Variants in PEX5L observed in about 807,000 individuals in gnomAD.
PEX5L encodes the protein PEX5-related protein.
PEX5L carries 30 observed loss-of-function variants against 84.0 expected under a neutral mutation model. The ratio of observed to expected loss-of-function variants is 0.36; its 90% CI spans 0.27 to 0.48. The LOEUF (loss-of-function observed/expected upper bound fraction) is 0.48, where lower values mean the gene tolerates loss of function less well. Ranked by LOEUF, PEX5L falls within the 20% of genes least tolerant of loss-of-function variation. The pLI is 0.99. For synonymous variants in PEX5L, 270 were observed against 283.1 expected, an observed-to-expected ratio of 0.95 and a Z score of 0.46; for missense variants, 533 against 754.6, an observed-to-expected ratio of 0.71 and a Z score of 3.44.
chr3:179,957,749 G>A (rs1780946137), intron 2 of PEX5L, among the ~76,000 whole-genome samples: 1 of 152,146 alleles, frequency 6.6e-6, no homozygotes, highest in African/African-American at 2.4e-5. Context: ...TGCAAAGTAA[G>A]GATTTAATTT....
In PEX5L at chr3:179,797,196, T is replaced by G. The variant is rs1717300307; in HGVS notation, c.*4632A>C. On this transcript the variant is annotated 3_prime_UTR_variant, in exon 15 of 15. Coordinates refer to ENST00000467460, the MANE Select transcript of PEX5L (RefSeq NM_016559.3). Reference sequence around the variant, plus strand: ...GTGCCTCAACTGGTTTTTGAAAAAGTGTTTAGATGTCCCAGATTCTTCAGA... The same window carrying G: ...GTGCCTCAACTGGTTTTTGAAAAAGGGTTTAGATGTCCCAGATTCTTCAGA... 6.6e-6 allele frequency: 1 copy of G among 152,168 alleles called. No homozygotes were observed. Among genetic ancestry groups the G allele is most frequent in the Non-Finnish European group, 1.5e-5 (1 of 68,026 alleles). 9.4% of individuals were successfully genotyped at this position (152,168 alleles called of 1,614,324 possible). A position where few individuals can be genotyped will look rare whatever the true frequency, so the allele number is the denominator to read the frequency against.
intron 8 of PEX5L, among the ~76,000 whole-genome samples, chr3:179,841,336 C>T (rs900934427): frequency 6.6e-6 from 1 of 152,146 alleles, no homozygotes; most frequent in Non-Finnish European, 1.5e-5. Flanking sequence ...TCCACTTCCA[C>T]TCCCTGTTCC....
chr3:179,895,252 A>G (rs188415197), intron 3 of PEX5L, among the ~76,000 whole-genome samples: 1 of 151,990 alleles, frequency 6.6e-6, no homozygotes, highest in South Asian at 2.1e-4. Flanking sequence ...ACTTTTTTTG[A>G]TTACTCTCTG....
intron 8 of PEX5L, among the ~76,000 whole-genome samples, chr3:179,836,053 TACTGTCTAGATGTAA>T (rs1383850641): frequency 1.3e-5 from 2 of 152,210 alleles, no homozygotes; most frequent in African/African-American, 4.8e-5. Flanking sequence ...TTCCTAATTT[TACTGTCTAGATGTAA>T]TCACTGAGAG....
At chr3:180,020,489 G>A (rs1315289176) in intron 1 of PEX5L, among the ~76,000 whole-genome samples, 1 of 151,830 alleles carries the variant, frequency 6.6e-6, no homozygotes, top group East Asian at 1.9e-4. Context: ...ATTTATTAAA[G>A]TTTAGTTTAG....
At chr3:180,036,508 A>C (rs1791919907) in intron 1 of PEX5L, 71 bp downstream of exon 1, 6 of 1,441,036 alleles carry the variant, frequency 4.2e-6, no homozygotes, top group Non-Finnish European at 5.9e-6. Flanking sequence ...TTGACCACAG[A>C]AACTTGGTGA....
At chr3:179,968,874 A>G (rs1442792264) in intron 2 of PEX5L, among the ~76,000 whole-genome samples, 1 of 152,154 alleles carries the variant, frequency 6.6e-6, no homozygotes, top group East Asian at 1.9e-4. Flanking sequence ...CATTGTCTTT[A>G]AAGAATAGAA....
intron 2 of PEX5L, among the ~76,000 whole-genome samples, chr3:179,916,674 C>A (rs1289063675): frequency 2.0e-5 from 3 of 151,862 alleles, no homozygotes; most frequent in Non-Finnish European, 2.9e-5. Context: ...ATTAACCACC[C>A]CCCCTTTGTT....
At chr3:179,829,690 A>G (rs947512150) in intron 8 of PEX5L, among the ~76,000 whole-genome samples, 8 of 152,086 alleles carry the variant, frequency 5.3e-5, no homozygotes, top group African/African-American at 1.9e-4. Flanking sequence ...TGATGCAGGC[A>G]AACGTCAACA....
rs1721997328 is a variant in PEX5L at position 179,807,836 on chromosome 3, T to A, written c.1519-5A>T. 6.2e-7 allele frequency: 1 copy of A among 1,611,778 alleles called. No individual in the cohort carries two copies. On this transcript the variant is annotated splice_polypyrimidine_tract_variant and splice_region_variant and intron_variant, in intron 13 of 14. Transcript: ENST00000467460. ...GCGGTTCCATAGTGAATAGTCCTGA[T>A]GACAAAATCAGAACTTTCTAACAAC...
intron 8 of PEX5L, among the ~76,000 whole-genome samples, chr3:179,847,662 A>G (rs1230680713): frequency 1.3e-5 from 2 of 152,212 alleles, no homozygotes; most frequent in African/African-American, 2.4e-5. Flanking sequence ...AGAAAAGAAT[A>G]TTTAGTCATT....
chr3:179,948,660 G>T (rs1039066315), intron 2 of PEX5L, among the ~76,000 whole-genome samples: 21 of 152,068 alleles, frequency 1.4e-4, no homozygotes, highest in Non-Finnish European at 2.2e-4. Context: ...TCAAAACTGG[G>T]TAGGTGCATA....
chr3:179,958,779 A>T (rs1041549811), intron 2 of PEX5L, among the ~76,000 whole-genome samples: 1 of 152,202 alleles, frequency 6.6e-6, no homozygotes, highest in Non-Finnish European at 1.5e-5. Flanking sequence ...AGGCCTAGAA[A>T]ATCAAAATAA....
At chr3:179,824,916 T>C (rs1461284637) in intron 8 of PEX5L, among the ~76,000 whole-genome samples, 1 of 152,204 alleles carries the variant, frequency 6.6e-6, no homozygotes, top group Non-Finnish European at 1.5e-5. Context: ...ATATTTCCTG[T>C]TGAGTAAGAG....
chr3:179,882,996 G>T lies in PEX5L; in HGVS notation c.311-2873C>A, dbSNP rs1316749554. 3.9e-5 allele frequency among the ~76,000 whole-genome samples: 6 copies of T among 152,176 alleles called. No homozygotes were observed. In the East Asian group the frequency reaches 1.2e-3, roughly 29 times the overall value. ...CACCTGTAGTCTCAGCTACTCGGGAGACTAGGTGGGAGGACTGCTTTAGCC... is the reference window on the plus strand; with the variant it reads ...CACCTGTAGTCTCAGCTACTCGGGATACTAGGTGGGAGGACTGCTTTAGCC... On this transcript the variant is annotated intron_variant, in intron 4 of 14. Coordinates refer to ENST00000467460, the MANE Select transcript of PEX5L (RefSeq NM_016559.3).
intron 7 of PEX5L, among the ~76,000 whole-genome samples, chr3:179,872,482 G>T (rs1019014066): frequency 6.6e-6 from 1 of 152,174 alleles, no homozygotes; most frequent in African/African-American, 2.4e-5. Flanking sequence ...AAACTCTCAG[G>T]TGCATTTTAA....
chr3:180,031,368 G>C (rs1029402397), intron 1 of PEX5L, among the ~76,000 whole-genome samples: 1 of 152,094 alleles, frequency 6.6e-6, no homozygotes, highest in African/African-American at 2.4e-5. Context: ...GGATGAGGTG[G>C]GGGGTAAGGA....
At chr3:179,933,171 C>T (rs561819721) in intron 2 of PEX5L, among the ~76,000 whole-genome samples, 1 of 152,304 alleles carries the variant, frequency 6.6e-6, no homozygotes, top group East Asian at 1.9e-4. Context: ...GACTTTGATC[C>T]ACATATATCT....
At chr3:179,953,516 C>T (rs1779675811) in intron 2 of PEX5L, among the ~76,000 whole-genome samples, 1 of 152,116 alleles carries the variant, frequency 6.6e-6, no homozygotes, top group Admixed American at 6.6e-5. Flanking sequence ...CTATTGCATG[C>T]AGGTGTAACC....
Sources: allele counts gnomAD v4.1 joint callset (sites outside exome capture counted in the v4.1 genomes callset), GRCh38; gene constraint gnomAD v4.1.1; transcripts MANE v1.5; gene names NCBI Gene and HGNC (gene_info 2026-07-23, HGNC 2026-07-21).